GPHN: variants seen among roughly 807,000 people sequenced by gnomAD.
GPHN encodes gephyrin.
A neutral mutation model predicts 95.5 loss-of-function variants in GPHN; 17 were observed. The ratio of observed to expected loss-of-function variants is 0.18; its 90% CI spans 0.12 to 0.27. The LOEUF (loss-of-function observed/expected upper bound fraction) is 0.27. GPHN is among the 10% of genes least tolerant of loss of function. The pLI, the probability that GPHN is intolerant of heterozygous loss-of-function variation, is 1.00. For missense variants in GPHN, 660 were observed against 978.1 expected, an observed-to-expected ratio of 0.67 and a Z score of 4.34; for synonymous variants, 320 against 322.5, an observed-to-expected ratio of 0.99 and a Z score of 0.08.
chr14:67,216,378 G>T, the GPHN span, among the ~76,000 whole-genome samples: 6 of 150,848 alleles, frequency 4.0e-5, no homozygotes, highest in Non-Finnish European at 7.4e-5. Context: ...AATATTTTGG[G>T]GTTTTTTTTC....
the GPHN span, chr14:67,208,160 C>T: frequency 6.2e-7 from 1 of 1,607,678 alleles, no homozygotes; most frequent in Non-Finnish European, 8.5e-7. Flanking sequence ...TTACCTGATG[C>T]TCTTCTGTTA....
chr14:66,921,560 A>G (rs1190351417), intron 6 of GPHN, among the ~76,000 whole-genome samples: 3 of 152,014 alleles, frequency 2.0e-5, no homozygotes, highest in Non-Finnish European at 2.9e-5. Context: ...GCAATCATAG[A>G]CGACACAAAC....
intron 1 of GPHN, among the ~76,000 whole-genome samples, chr14:66,544,150 T>A (rs372055431): frequency 1.2e-3 from 181 of 152,328 alleles, no homozygotes; most frequent in African/African-American, 4.0e-3. Flanking sequence ...CTGTTCCTGG[T>A]ACATGCAGAT....
Position 66,518,136 on chromosome 14 carries a change from AC to A in GPHN, c.64+9546del, listed in dbSNP as rs1288569472. ...AAATAAATAAATAACCCAGAAAAAA[AC>A]AAAACAAAAAAAACCCTGCAAAAAA... On this transcript the variant is annotated intron_variant, in intron 1 of 22. Coordinates refer to ENST00000478722, the MANE Select transcript of GPHN (RefSeq NM_020806.5). 3.2e-3 allele frequency among the ~76,000 whole-genome samples: 414 copies of A among 128,384 alleles called. 3 individuals are homozygous for A. The highest frequency in any genetic ancestry group is 0.016 in the African/African-American group (397 of 24,712). The allele number at this position is 128,384 out of a possible 152,430, so 84.2% of individuals were successfully genotyped here.
chr14:67,647,001 G>C, the GPHN span: 2 of 1,611,972 alleles, frequency 1.2e-6, no homozygotes, highest in Non-Finnish European at 8.5e-7. Flanking sequence ...GTCATGGAAC[G>C]AACATTTGAT....
At chr14:66,932,073 G>T (rs1163859073) in intron 8 of GPHN, among the ~76,000 whole-genome samples, 1 of 152,170 alleles carries the variant, frequency 6.6e-6, no homozygotes, top group African/African-American at 2.4e-5. Flanking sequence ...GCATTAGGGG[G>T]CACCCCAACT....
the GPHN span, among the ~76,000 whole-genome samples, chr14:67,638,081 G>A: frequency 6.6e-6 from 1 of 152,172 alleles, no homozygotes; most frequent in African/African-American, 2.4e-5. Flanking sequence ...ACTGCATAAA[G>A]GAAAGCCTCC....
intron 20 of GPHN, among the ~76,000 whole-genome samples, chr14:67,166,962 C>A (rs1051893666): frequency 3.3e-5 from 5 of 152,208 alleles, no homozygotes; most frequent in African/African-American, 1.2e-4. Flanking sequence ...AGCCACCATG[C>A]GCAGCTTTAC....
the GPHN span, among the ~76,000 whole-genome samples, chr14:67,192,765 T>C: frequency 6.7e-6 from 1 of 149,332 alleles, no homozygotes; most frequent in Non-Finnish European, 1.5e-5. Context: ...ACACATATTT[T>C]AACATATATT....
the GPHN span, among the ~76,000 whole-genome samples, chr14:67,601,630 T>C: frequency 0.099 from 15,072 of 152,202 alleles, 799 homozygotes; most frequent in East Asian, 0.14. Context: ...GGGCTGGGCA[T>C]GGTGGCACAT....
the GPHN span, among the ~76,000 whole-genome samples, chr14:67,313,466 A>G: frequency 2.6e-5 from 4 of 152,138 alleles, no homozygotes. Flanking sequence ...GTTGACTGAA[A>G]TGTTGTTATG....
chr14:66,827,179 G>C (rs2061416664), intron 4 of GPHN, among the ~76,000 whole-genome samples: 1 of 152,054 alleles, frequency 6.6e-6, no homozygotes, highest in African/African-American at 2.4e-5. Flanking sequence ...CAGCTACTTG[G>C]GTAGCTGAGG....
the GPHN span, among the ~76,000 whole-genome samples, chr14:67,560,925 T>C: frequency 6.6e-6 from 1 of 152,068 alleles, no homozygotes; most frequent in African/African-American, 2.4e-5. Context: ...GAGACGGGGT[T>C]TCGTTATGTT....
chr14:67,002,565 T>G (rs2072308495), intron 9 of GPHN, among the ~76,000 whole-genome samples: 1 of 151,340 alleles, frequency 6.6e-6, no homozygotes, highest in Non-Finnish European at 1.5e-5. Context: ...ACATACTGTT[T>G]AAAGTTTGGG....
At chr14:67,720,694 G>T in the GPHN span, 1 of 152,140 alleles carries the variant, frequency 6.6e-6, no homozygotes, top group Non-Finnish European at 1.5e-5. Context: ...TCACCTACCT[G>T]TACTTAGTAG....
chr14:67,146,437 T>A (rs1001698950), intron 18 of GPHN, among the ~76,000 whole-genome samples: 1 of 152,222 alleles, frequency 6.6e-6, no homozygotes, highest in Non-Finnish European at 1.5e-5. Flanking sequence ...TGCATTACTA[T>A]AAGTTTTCTT....
intron 18 of GPHN, among the ~76,000 whole-genome samples, chr14:67,153,105 C>G (rs1333340254): frequency 2.0e-5 from 3 of 152,156 alleles, no homozygotes; most frequent in Non-Finnish European, 4.4e-5. Flanking sequence ...TCTAAACCAG[C>G]CCAGGCAACA....
At chr14:66,567,331 G>A (rs2060500045) in intron 1 of GPHN, among the ~76,000 whole-genome samples, 1 of 152,100 alleles carries the variant, frequency 6.6e-6, no homozygotes, top group African/African-American at 2.4e-5. Flanking sequence ...CTAATGCTAG[G>A]CCCTACAAGT....
the GPHN span, among the ~76,000 whole-genome samples, chr14:67,264,632 T>C: frequency 6.6e-6 from 1 of 152,234 alleles, no homozygotes. Context: ...TAATAAAATT[T>C]GTAAATGAAT....
Sources: gnomAD v4.1 joint callset for allele counts (sites outside exome capture counted in the v4.1 genomes callset) on GRCh38, gnomAD v4.1.1 for gene constraint, MANE v1.5 for transcripts, NCBI Gene and HGNC (gene_info 2026-07-23, HGNC 2026-07-21) for gene names.